Variants in CPA4 observed in about 807,000 individuals in gnomAD.
The protein encoded by CPA4 is carboxypeptidase A3.
In CPA4, 49 loss-of-function variants were observed where a neutral mutation model predicts 54.7. The ratio of observed to expected loss-of-function variants is 0.90; its 90% CI spans 0.71 to 1.14. The LOEUF (loss-of-function observed/expected upper bound fraction) is 1.14, where lower values mean the gene tolerates loss of function less well. CPA4 is among the 50% of genes most tolerant of loss of function. CPA4 has a pLI of 0.00. For missense variants in CPA4, 487 were observed against 525.1 expected (o/e 0.93, Z 0.71); for synonymous variants, 215 against 206.8 (o/e 1.04, Z -0.34).
rs932446948 is a variant in CPA4, at chr7:130,310,582, C to T, written c.794-205C>T. Among the ~76,000 whole-genome samples, 2 of 152,174 alleles carry T rather than the reference C, an allele frequency of 1.3e-5. No homozygotes were observed. The highest frequency in any genetic ancestry group is 4.8e-5 in the African/African-American group (2 of 41,452). ...CAAGGTCAACTCCAACAGTTTTTCTCCTCAGCTGTAGCAGACCCAACACCC... is the reference window on the plus strand; with the variant it reads ...CAAGGTCAACTCCAACAGTTTTTCTTCTCAGCTGTAGCAGACCCAACACCC... On this transcript the variant is annotated intron_variant, in intron 8 of 10. Transcript: ENST00000222482. This position sits in a 1 kb window ranked among gnomAD's most constrained non-coding sequence, Gnocchi z 4.3.
intron 10 of CPA4, 54 bp from the exon 11 acceptor site, chr7:130,322,435 A>AT: frequency 6.6e-7 from 1 of 1,508,148 alleles, no homozygotes; most frequent in Middle Eastern, 1.8e-4. Context: ...GCCCCTTCCC[A>AT]TCTAACCCAG....
chr7:130,306,006 G>A (rs1793814876), intron 6 of CPA4, 86 bp downstream of exon 6: 1 of 1,115,216 alleles, frequency 9.0e-7, no homozygotes, highest in Non-Finnish European at 1.4e-6. Context: ...GGGGCACGAG[G>A]TGGGAGGGTT....
At chr7:130,300,758 A>G in intron 3 of CPA4, 58 bp from the exon 4 acceptor site, 1 of 1,264,468 alleles carries the variant, frequency 7.9e-7, no homozygotes, top group Non-Finnish European at 1.2e-6. Flanking sequence ...ATATGGCAGA[A>G]AAAACATAAA....
At chr7:130,296,677 C>G (rs1248849359) in intron 1 of CPA4, among the ~76,000 whole-genome samples, 2 of 46,050 alleles carry the variant, frequency 4.3e-5, no homozygotes, top group Non-Finnish European at 1.1e-4. Context: ...CAGCTCCCCT[C>G]ACTTTTTTTT....
Position 130,322,806 on chromosome 7 carries a change from C to T in CPA4, c.*130C>T. On this transcript the variant is annotated 3_prime_UTR_variant, in exon 11 of 11. Coordinates refer to ENST00000222482, the MANE Select transcript of CPA4 (RefSeq NM_016352.4). ...GTTTGTGGAGCACACAGGCCTGCCC[C>T]TCTCCAGCCAGCTCCCTGGAGTCGT... 1.2e-6 allele frequency: 1 copy of T among 839,188 alleles called. No homozygotes were observed. The highest frequency in any genetic ancestry group is 1.8e-6 in the Non-Finnish European group (1 of 555,950). The allele number at this position is 839,188 out of a possible 1,614,324, so 52.0% of individuals were successfully genotyped here.
In CPA4 at chr7:130,296,964, T is replaced by A. The variant is rs531910509; in HGVS notation, c.69-1782T>A. ...TAAATTTATTTATTTTTAATTTTAG[T>A]TTTTTGAGATGGGAGTCTTGCTCTA... On this transcript the variant is annotated intron_variant, in intron 1 of 10. Coordinates refer to ENST00000222482, the MANE Select transcript of CPA4 (RefSeq NM_016352.4). Among the ~76,000 whole-genome samples, 940 of 151,986 alleles carry A rather than the reference T, an allele frequency of 6.2e-3. 9 individuals carry two copies. Among genetic ancestry groups the A allele is most frequent in the African/African-American group, 0.021 (889 of 41,406 alleles).
At chr7:130,301,339 A>G (rs1425380005) in intron 4 of CPA4, among the ~76,000 whole-genome samples, 1 of 152,218 alleles carries the variant, frequency 6.6e-6, no homozygotes, top group Non-Finnish European at 1.5e-5. Flanking sequence ...ATGACTACTT[A>G]TAATGTATAT....
intron 8 of CPA4, among the ~76,000 whole-genome samples, chr7:130,309,038 G>A (rs541088147): frequency 1.3e-5 from 2 of 152,206 alleles, no homozygotes; most frequent in South Asian, 4.1e-4. Context: ...TAGAGACAGG[G>A]TTTTGCCATG....
Position 130,293,900 on chromosome 7 carries a change from T to C in CPA4, c.68+652T>C, listed in dbSNP as rs188198847. On this transcript the variant is annotated intron_variant, in intron 1 of 10. Coordinates refer to ENST00000222482, the MANE Select transcript of CPA4 (RefSeq NM_016352.4). Reference sequence around the variant, plus strand: ...CCGTGTGTGTGTGCGCGTGTGTGTGTGCACACACACACGTGCTCAACACGC... The same window carrying C: ...CCGTGTGTGTGTGCGCGTGTGTGTGCGCACACACACACGTGCTCAACACGC... Among the ~76,000 whole-genome samples, 855 of 152,184 alleles carry C rather than the reference T, an allele frequency of 5.6e-3. 12 individuals are homozygous for C. Among genetic ancestry groups the C allele is most frequent in the African/African-American group, 0.02 (812 of 41,528 alleles).
intron 2 of CPA4, 102 bp downstream of exon 2, chr7:130,298,929 A>G: frequency 4.0e-6 from 3 of 745,240 alleles, no homozygotes; most frequent in Non-Finnish European, 4.6e-6. Flanking sequence ...GAGTCTCTGA[A>G]TATAATCCTG....
At chr7:130,306,070 G>T in intron 6 of CPA4, 150 bp downstream of exon 6, 1 of 641,192 alleles carries the variant, frequency 1.6e-6, no homozygotes, top group Non-Finnish European at 2.8e-6. Flanking sequence ...GAAGCAAATG[G>T]TCAAAACCCC....
chr7:130,310,820 T>C lies in CPA4; in HGVS notation c.827T>C (p.Val276Ala). Residue 276 changes from valine to alanine, a missense_variant, in exon 9 of 11, where the codon GTG becomes GCG. Val to Ala is a moderately conservative substitution (Grantham distance 64). Coordinates refer to ENST00000222482, the MANE Select transcript of CPA4 (RefSeq NM_016352.4). This position sits in a 1 kb window ranked among gnomAD's most constrained non-coding sequence, Gnocchi z 4.3. ...KGASDNPCSE[V>A]YHGPHANSEV... ...GCCAGCGACAACCCTTGCTCCGAAG[T>C]GTACCATGGACCCCACGCCAATTCG... is the stretch of plus-strand genomic sequence containing the variant. 6.2e-7 allele frequency: 1 copy of C among 1,614,238 alleles called. No individual in the cohort carries two copies. Among genetic ancestry groups the C allele is most frequent in the Non-Finnish European group, 8.5e-7 (1 of 1,180,036 alleles).
chr7:130,309,795 G>A (rs1460427102), intron 8 of CPA4, among the ~76,000 whole-genome samples: 3 of 151,990 alleles, frequency 2.0e-5, no homozygotes, highest in South Asian at 2.1e-4. Context: ...AGACACGGTC[G>A]TGCTCTGTCA....
At chr7:130,307,549 G>A (rs1328519493) in intron 7 of CPA4, among the ~76,000 whole-genome samples, 2 of 150,766 alleles carry the variant, frequency 1.3e-5, no homozygotes, top group Non-Finnish European at 2.9e-5. Flanking sequence ...GGAGAATGAC[G>A]TGAACCCGGG....
At chr7:130,308,622 A>G (rs113828707) in intron 8 of CPA4, among the ~76,000 whole-genome samples, 11,312 of 152,022 alleles carry the variant, frequency 0.074, 899 homozygotes, top group African/African-American at 0.2. Context: ...CAGTGGCGTG[A>G]TCTTGGCTCA....
At chr7:130,304,369 AT>A in intron 4 of CPA4, 108 bp from the exon 5 acceptor site, 1 of 781,112 alleles carries the variant, frequency 1.3e-6, no homozygotes, top group South Asian at 1.4e-5. Flanking sequence ...CAATTCCAAG[AT>A]TAGGGTCCCG....
intron 5 of CPA4, 135 bp from the exon 6 acceptor site, chr7:130,305,681 A>G (rs954142327): frequency 2.8e-6 from 2 of 720,758 alleles, no homozygotes; most frequent in African/African-American, 1.7e-5. Flanking sequence ...CTCGATAAAT[A>G]GATGGTGCCC....
chr7:130,308,254 C>A, intron 7 of CPA4, 53 bp from the exon 8 acceptor site: 1 of 1,490,926 alleles, frequency 6.7e-7, no homozygotes. Flanking sequence ...TAGCCCTCTT[C>A]GGTGATCTGA....
intron 10 of CPA4, among the ~76,000 whole-genome samples, chr7:130,322,133 G>A (rs1794116453): frequency 6.6e-6 from 1 of 152,194 alleles, no homozygotes; most frequent in South Asian, 2.1e-4. Flanking sequence ...GTAGGAGGGA[G>A]CTGCACAAAG....
Sources: gnomAD v4.1 joint callset for allele counts (sites outside exome capture counted in the v4.1 genomes callset) on GRCh38, gnomAD v4.1.1 for gene constraint, Gnocchi (gnomAD v3.1) non-coding constraint, MANE v1.5 for transcripts, NCBI Gene and HGNC (gene_info 2026-07-23, HGNC 2026-07-21) for gene names.